GALNT13: variants seen among roughly 807,000 people sequenced by gnomAD.
GALNT13 encodes polypeptide N-acetylgalactosaminyltransferase 13.
A neutral mutation model predicts 64.2 loss-of-function variants in GALNT13; 28 were observed. The observed-to-expected ratio is 0.44, with a 90% confidence interval of 0.32 to 0.60. GALNT13 has a LOEUF of 0.60. Ranked by LOEUF, GALNT13 falls within the 20% of genes least tolerant of loss-of-function variation. GALNT13 has a pLI of 0.05. For synonymous variants in GALNT13, 214 were observed against 224.6 expected (o/e 0.95, Z 0.42); for missense variants, 577 against 669.8 (o/e 0.86, Z 1.53).
the GALNT13 span, among the ~76,000 whole-genome samples, chr2:153,390,264 G>T: frequency 2.3e-4 from 35 of 152,042 alleles, no homozygotes; most frequent in African/African-American, 7.5e-4. Context: ...TGAACAATGA[G>T]AACACGTGGA....
At chr2:153,452,307 C>T in the GALNT13 span, among the ~76,000 whole-genome samples, 1 of 151,962 alleles carries the variant, frequency 6.6e-6, no homozygotes, top group African/African-American at 2.4e-5. Flanking sequence ...AAGAGAATAT[C>T]CTGTCTGTAC....
At chr2:153,207,264 G>A in the GALNT13 span, among the ~76,000 whole-genome samples, 13 of 152,114 alleles carry the variant, frequency 8.5e-5, no homozygotes, top group South Asian at 4.2e-4. Context: ...TCCATGATGC[G>A]TTTTACATAT....
At chr2:153,870,774 C>T (rs1158197172), upstream of GALNT13, among the ~76,000 whole-genome samples, 1 of 150,512 alleles carries the variant, frequency 6.6e-6, no homozygotes, top group Non-Finnish European at 1.5e-5. Flanking sequence ...GTTTGTCAAA[C>T]GTGGCTGTTT....
intron 4 of GALNT13, among the ~76,000 whole-genome samples, chr2:154,233,548 A>G (rs1037784943): frequency 6.6e-6 from 1 of 152,192 alleles, no homozygotes; most frequent in Non-Finnish European, 1.5e-5. Context: ...GCCTTATCAT[A>G]GTTCTGATAG....
chr2:153,307,806 T>G, the GALNT13 span, among the ~76,000 whole-genome samples: 1 of 152,160 alleles, frequency 6.6e-6, no homozygotes, highest in Non-Finnish European at 1.5e-5. Context: ...AAAATGTAAT[T>G]AAAGATACTG....
the GALNT13 span, among the ~76,000 whole-genome samples, chr2:153,083,980 T>C: frequency 5.9e-5 from 9 of 152,308 alleles, no homozygotes; most frequent in Admixed American, 5.9e-4. Context: ...CCAGCACCAT[T>C]TGTTGTATAG....
chr2:153,340,560 CAGG>C, the GALNT13 span, among the ~76,000 whole-genome samples: 1 of 151,548 alleles, frequency 6.6e-6, no homozygotes, highest in Non-Finnish European at 1.5e-5. Context: ...GAGGCCGAGG[CAGG>C]AGAATTGCTT....
chr2:153,566,361 T>TTTTTTG, the GALNT13 span, among the ~76,000 whole-genome samples: 6 of 142,686 alleles, frequency 4.2e-5, no homozygotes, highest in East Asian at 2.1e-4. Flanking sequence ...TTTTTTTTTT[T>TTTTTTG]TTTTTTTTTT....
intron 1 of GALNT13, among the ~76,000 whole-genome samples, chr2:153,881,757 A>T (rs72862074): frequency 1.3e-5 from 2 of 152,274 alleles, no homozygotes; most frequent in Non-Finnish European, 2.9e-5. Flanking sequence ...AATGTTAATC[A>T]GTTTTCTCAT....
chr2:153,483,644 G>A, the GALNT13 span, among the ~76,000 whole-genome samples: 1 of 152,014 alleles, frequency 6.6e-6, no homozygotes. Context: ...CTGAACTCCC[G>A]ACCTCAGGTG....
the GALNT13 span, among the ~76,000 whole-genome samples, chr2:153,303,981 A>C: frequency 1.3e-5 from 2 of 151,922 alleles, no homozygotes; most frequent in Admixed American, 6.6e-5. Flanking sequence ...TACTATTCTC[A>C]GAAGAACCTG....
At chr2:153,538,543 C>G in the GALNT13 span, among the ~76,000 whole-genome samples, 44 of 64,598 alleles carry the variant, frequency 6.8e-4, no homozygotes, top group African/African-American at 2.9e-3. Context: ...CCTCCCCCCT[C>G]CCCCCACCCC....
At chr2:154,234,529 T>C (rs1689088254) in intron 4 of GALNT13, among the ~76,000 whole-genome samples, 1 of 152,156 alleles carries the variant, frequency 6.6e-6, no homozygotes, top group Non-Finnish European at 1.5e-5. Context: ...TTACTGAGGT[T>C]TGAGGGGAAT....
At chr2:154,079,641 A>T (rs1701169934) in intron 3 of GALNT13, among the ~76,000 whole-genome samples, 1 of 151,382 alleles carries the variant, frequency 6.6e-6, no homozygotes, top group Non-Finnish European at 1.5e-5. Context: ...ATGATGAGTC[A>T]CCCACATGCA....
chr2:153,108,558 T>C, the GALNT13 span, among the ~76,000 whole-genome samples: 1 of 152,160 alleles, frequency 6.6e-6, no homozygotes, highest in South Asian at 2.1e-4. Context: ...GTATAGAACA[T>C]TACAATATAT....
intron 9 of GALNT13, among the ~76,000 whole-genome samples, chr2:154,350,117 C>CACAA (rs1696309406): frequency 6.6e-6 from 1 of 152,182 alleles, no homozygotes; most frequent in African/African-American, 2.4e-5. Flanking sequence ...TTCATTTGTG[C>CACAA]ATTCAACAAA....
chr2:154,079,107 T>C (rs1701138171), intron 3 of GALNT13, among the ~76,000 whole-genome samples: 1 of 151,692 alleles, frequency 6.6e-6, no homozygotes, highest in Admixed American at 6.6e-5. Context: ...GGGAATTGTT[T>C]GTTGGCAGCT....
intron 12 of GALNT13, among the ~76,000 whole-genome samples, chr2:154,449,597 G>T (rs983931189): frequency 6.6e-6 from 1 of 151,340 alleles, no homozygotes; most frequent in Non-Finnish European, 1.5e-5. Flanking sequence ...CCTAGGTATT[G>T]CCCATGAAAT....
At chr2:153,712,121 T>C in the GALNT13 span, among the ~76,000 whole-genome samples, 1 of 152,184 alleles carries the variant, frequency 6.6e-6, no homozygotes, top group Non-Finnish European at 1.5e-5. Context: ...ACTTCAAGGG[T>C]AACTAGTCAT....
Sources: allele counts gnomAD v4.1 joint callset (sites outside exome capture counted in the v4.1 genomes callset), GRCh38; gene constraint gnomAD v4.1.1; transcripts MANE v1.5; gene names NCBI Gene and HGNC (gene_info 2026-07-23, HGNC 2026-07-21).